The following NELL1 variants were observed in gnomAD, a reference collection of about 807,000 sequenced individuals.
The protein encoded by NELL1 is neural EGFL like 1, also known as protein kinase C-binding protein NELL1.
NELL1 carries 76 observed loss-of-function variants against 107.4 expected under a neutral mutation model. That is an observed-to-expected ratio of 0.71 (90% CI 0.59 to 0.86). NELL1 has a LOEUF of 0.86. Ranked by LOEUF, NELL1 falls within the 40% of genes least tolerant of loss-of-function variation. The probability of loss-of-function intolerance (pLI) is 0.00; values close to 1 mark genes in which losing one functional copy is unlikely to be tolerated. For synonymous variants in NELL1, 353 were observed against 341.2 expected (o/e 1.03, Z -0.38); for missense variants, 1,024 against 1,005.5 (o/e 1.02, Z -0.25).
chr11:21,127,735 A>G (rs1855519294), intron 13 of NELL1, among the ~76,000 whole-genome samples: 1 of 152,180 alleles, frequency 6.6e-6, no homozygotes, highest in African/African-American at 2.4e-5. Context: ...CAATGCCTGC[A>G]TTTGTAGTCT....
intron 14 of NELL1, among the ~76,000 whole-genome samples, chr11:21,264,642 A>C (rs1045299007): frequency 1.3e-5 from 2 of 151,900 alleles, no homozygotes; most frequent in Non-Finnish European, 2.9e-5. Context: ...TGGTTTAACA[A>C]ATGTGGAGTG....
chr11:21,527,180 TTG>T (rs370856426), intron 15 of NELL1, among the ~76,000 whole-genome samples: 92 of 152,270 alleles, frequency 6.0e-4, no homozygotes, highest in African/African-American at 2.1e-3. Context: ...GCCAGTCTCT[TTG>T]TGTAGCAAAA....
chr11:21,324,824 T>C (rs1378993966), intron 14 of NELL1, among the ~76,000 whole-genome samples: 1 of 152,066 alleles, frequency 6.6e-6, no homozygotes, highest in Non-Finnish European at 1.5e-5. Context: ...GAAAGAGAAC[T>C]GATGTTATAG....
chr11:21,551,487 G>T (rs532827698), intron 16 of NELL1, among the ~76,000 whole-genome samples: 1 of 151,676 alleles, frequency 6.6e-6, no homozygotes, highest in African/African-American at 2.4e-5. Flanking sequence ...GACATGAACA[G>T]ACACTTCTCA....
chr11:21,013,496 T>C (rs1590540060), intron 12 of NELL1, among the ~76,000 whole-genome samples: 1 of 152,096 alleles, frequency 6.6e-6, no homozygotes, highest in Non-Finnish European at 1.5e-5. Flanking sequence ...CCAGAAGATA[T>C]CACCTGCCTA....
chr11:20,764,308 C>G (rs1856485747), intron 2 of NELL1, among the ~76,000 whole-genome samples: 1 of 152,150 alleles, frequency 6.6e-6, no homozygotes, highest in Admixed American at 6.5e-5. Flanking sequence ...TATGGTGTCT[C>G]TTATAATCAA....
At chr11:21,105,044 G>A (rs941762549) in intron 12 of NELL1, among the ~76,000 whole-genome samples, 4 of 152,096 alleles carry the variant, frequency 2.6e-5, no homozygotes, top group African/African-American at 4.8e-5. Context: ...GTGAGGTAGG[G>A]CTTCCACATA....
chr11:20,906,284 G>C (rs891329264), intron 5 of NELL1, among the ~76,000 whole-genome samples: 28 of 152,096 alleles, frequency 1.8e-4, no homozygotes, highest in African/African-American at 6.8e-4. Flanking sequence ...GGATCATGAA[G>C]AAGACCGGAT....
intron 16 of NELL1, among the ~76,000 whole-genome samples, chr11:21,556,329 A>T (rs1469049257): frequency 2.0e-5 from 3 of 151,978 alleles, no homozygotes; most frequent in African/African-American, 7.2e-5. Flanking sequence ...AAGTTATTCA[A>T]GAAAGAGGAA....
At chr11:21,244,792 G>A (rs532421458) in intron 14 of NELL1, among the ~76,000 whole-genome samples, 1 of 152,278 alleles carries the variant, frequency 6.6e-6, no homozygotes, top group Non-Finnish European at 1.5e-5. Flanking sequence ...AGGTGACTGA[G>A]TGGTGAAGGT....
At chr11:21,004,780 A>T (rs1224204157) in intron 12 of NELL1, among the ~76,000 whole-genome samples, 1 of 152,136 alleles carries the variant, frequency 6.6e-6, no homozygotes, top group African/African-American at 2.4e-5. Flanking sequence ...ATAGTATATT[A>T]AAAAATCGTG....
intron 11 of NELL1, among the ~76,000 whole-genome samples, chr11:20,950,622 C>A (rs935728179): frequency 1.3e-5 from 2 of 152,162 alleles, no homozygotes; most frequent in African/African-American, 4.8e-5. Flanking sequence ...CCCCTTCTCC[C>A]CTTCTCTGAA....
At chr11:20,691,731 T>A (rs1357364083) in intron 2 of NELL1, among the ~76,000 whole-genome samples, 1 of 151,894 alleles carries the variant, frequency 6.6e-6, no homozygotes, top group East Asian at 1.9e-4. Flanking sequence ...TCAAGGATAT[T>A]GGTCTAAAAT....
intron 1 of NELL1, among the ~76,000 whole-genome samples, chr11:20,676,152 C>G (rs753321651): frequency 6.6e-6 from 1 of 152,058 alleles, no homozygotes; most frequent in African/African-American, 2.4e-5. Flanking sequence ...TTTGCATGCA[C>G]CCTTCTCTGC....
At chr11:21,336,045 A>G (rs1388680223) in intron 14 of NELL1, among the ~76,000 whole-genome samples, 2 of 152,144 alleles carry the variant, frequency 1.3e-5, no homozygotes, top group Admixed American at 6.5e-5. Flanking sequence ...TTCAATACAT[A>G]TAAAATTTTT....
intron 14 of NELL1, among the ~76,000 whole-genome samples, chr11:21,238,971 A>G (rs978473697): frequency 6.6e-6 from 1 of 152,088 alleles, no homozygotes; most frequent in Non-Finnish European, 1.5e-5. Flanking sequence ...TAGTTTCTTT[A>G]TCTTTAAAGG....
At chr11:21,388,109 C>G (rs1341688879) in intron 15 of NELL1, among the ~76,000 whole-genome samples, 1 of 150,974 alleles carries the variant, frequency 6.6e-6, no homozygotes, top group Admixed American at 6.6e-5. Context: ...TGCCATACTG[C>G]CTTCAGCCTT....
chr11:21,436,936 T>C (rs1364135071), intron 15 of NELL1, among the ~76,000 whole-genome samples: 1 of 152,194 alleles, frequency 6.6e-6, no homozygotes. Flanking sequence ...AGTTACTCTT[T>C]CATTGATTTC....
chr11:21,225,958 T>A (rs1229225491), intron 13 of NELL1, among the ~76,000 whole-genome samples: 2 of 152,208 alleles, frequency 1.3e-5, no homozygotes, highest in Non-Finnish European at 2.9e-5. Context: ...TAAGTAGACA[T>A]ACCTTGCAAT....
Sources: gnomAD v4.1 joint callset for allele counts (sites outside exome capture counted in the v4.1 genomes callset) on GRCh38, gnomAD v4.1.1 for gene constraint, MANE v1.5 for transcripts, NCBI Gene and HGNC (gene_info 2026-07-23, HGNC 2026-07-21) for gene names.